The following CREB1 variants were observed in gnomAD, a reference collection of about 807,000 sequenced individuals.
The protein encoded by CREB1 is cyclic AMP-responsive element-binding protein 1.
CREB1 carries 2 observed loss-of-function variants against 42.0 expected under a neutral mutation model. The ratio of observed to expected loss-of-function variants is 0.05; its 90% CI spans 0.02 to 0.15. CREB1 has a LOEUF of 0.15. Among genes scored for constraint, CREB1 ranks in the 10% least tolerant of loss-of-function variants. The pLI is 1.00. For synonymous variants in CREB1, 123 were observed against 139.9 expected, an observed-to-expected ratio of 0.88 and a Z score of 0.85; for missense variants, 199 against 388.9, an observed-to-expected ratio of 0.51 and a Z score of 4.11.
chr2:207,556,833 G>T, intron 2 of CREB1, among the ~76,000 whole-genome samples: 1 of 152,132 alleles, frequency 6.6e-6, no homozygotes, highest in East Asian at 1.9e-4. Flanking sequence ...TTGCCCTTTA[G>T]AAAGAGGAAG....
At chr2:207,583,380 G>A (rs576776432) in intron 7 of CREB1, among the ~76,000 whole-genome samples, 5 of 152,216 alleles carry the variant, frequency 3.3e-5, no homozygotes, top group East Asian at 1.9e-4. Flanking sequence ...TTCTTTCTCC[G>A]ACAGAAACTT....
Position 207,598,469 on chromosome 2 carries a change from A to C in CREB1, c.*1411A>C, listed in dbSNP as rs1188143452. 6.0e-6 allele frequency: 1 copy of C among 166,420 alleles called. No homozygotes were observed. The highest frequency in any genetic ancestry group is 1.2e-5 in the Non-Finnish European group (1 of 82,544). The allele number at this position is 166,420 out of a possible 1,614,324, so 10.3% of individuals were successfully genotyped here. A position where few individuals can be genotyped will look rare whatever the true frequency, so the allele number is the denominator to read the frequency against. ...CTCATTTTATTCACTAAGCTCGATAAATCTAACAGTTACTCTTAAAAAAAA... is the reference window on the plus strand; with the variant it reads ...CTCATTTTATTCACTAAGCTCGATACATCTAACAGTTACTCTTAAAAAAAA... On this transcript the variant is annotated 3_prime_UTR_variant, in exon 8 of 8. Transcript: ENST00000353267.
intron 5 of CREB1, among the ~76,000 whole-genome samples, 162 bp from the exon 6 acceptor site, chr2:207,575,110 T>C (rs1056942283): frequency 1.3e-5 from 2 of 152,212 alleles, no homozygotes; most frequent in African/African-American, 4.8e-5. Context: ...GAATATGGGT[T>C]TCCTGAGGAG....
intron 1 of CREB1, among the ~76,000 whole-genome samples, chr2:207,548,612 G>A (rs191815991): frequency 6.6e-6 from 1 of 152,144 alleles, no homozygotes; most frequent in Admixed American, 6.5e-5. Context: ...TTAGCCAGGT[G>A]TGGTGGTGCA....
chr2:207,535,578 T>C (rs973998589), intron 1 of CREB1, among the ~76,000 whole-genome samples: 3 of 152,142 alleles, frequency 2.0e-5, no homozygotes, highest in Admixed American at 6.5e-5. Context: ...ATGTGAGTTT[T>C]ATATTTTGTA....
Position 207,604,053 on chromosome 2 carries a change from GAC to G in CREB1, c.*6997_*6998del, listed in dbSNP as rs1232574422. On this transcript the variant is annotated 3_prime_UTR_variant, in exon 8 of 8. Coordinates refer to ENST00000353267, the MANE Select transcript of CREB1 (RefSeq NM_004379.5). ...TTACAGAATTTATTGCACAAAATGAGACATTTTGAGAGTGATATTAATTACAT... is the reference window on the plus strand; with the variant it reads ...TTACAGAATTTATTGCACAAAATGAGATTTTGAGAGTGATATTAATTACAT... Among the ~76,000 whole-genome samples the G allele has an allele frequency of 6.6e-6, 1 of 152,140 alleles. No homozygotes were observed. The highest frequency in any genetic ancestry group is 1.5e-5 in the Non-Finnish European group (1 of 68,020).
At chr2:207,531,106 G>A (rs548757457) in intron 1 of CREB1, among the ~76,000 whole-genome samples, 1 of 152,126 alleles carries the variant, frequency 6.6e-6, no homozygotes, top group East Asian at 1.9e-4. Context: ...AACAGTTTCG[G>A]TTTTAACCCT....
chr2:207,576,741 AATTG>A (rs2082613157), intron 6 of CREB1: 1 of 1,116,836 alleles, frequency 9.0e-7, no homozygotes, highest in African/African-American at 1.7e-5. Context: ...CATACATTTT[AATTG>A]ATATTAATAA....
rs1342259299 is a variant in CREB1 at position 207,597,569 on chromosome 2, GACAT to G, written c.*514_*517del. 1.4e-5 allele frequency: 3 copies of G among 209,956 alleles called. No homozygotes were observed. The highest frequency in any genetic ancestry group is 6.8e-5 in the African/African-American group (3 of 44,012). 13.0% of individuals were successfully genotyped at this position (209,956 alleles called of 1,614,324 possible). A position where few individuals can be genotyped will look rare whatever the true frequency, so the allele number is the denominator to read the frequency against. Reference sequence around the variant, plus strand: ...TGTGAATTATGTAAAGTTGTTAAGAGACATACCCTCTAAAAAAGAACTTTAGCAT... The same window carrying G: ...TGTGAATTATGTAAAGTTGTTAAGAGACCCTCTAAAAAAGAACTTTAGCAT... On this transcript the variant is annotated 3_prime_UTR_variant, in exon 8 of 8. Coordinates refer to ENST00000353267, the MANE Select transcript of CREB1 (RefSeq NM_004379.5).
intron 7 of CREB1, chr2:207,581,449 TA>T (rs1451807908): frequency 5.0e-6 from 1 of 201,188 alleles, no homozygotes; most frequent in African/African-American, 2.3e-5. Context: ...TCAGGTTTTT[TA>T]AATTTATTAT....
Position 207,604,386 on chromosome 2 carries a change from T to A in CREB1, c.*7328T>A, listed in dbSNP as rs2106701448. ...TCCGCTGGTTTTTCCATCTCGTAAGTGGTGCCACTATCCATCTGTTAAATT... is the reference window on the plus strand; with the variant it reads ...TCCGCTGGTTTTTCCATCTCGTAAGAGGTGCCACTATCCATCTGTTAAATT... On this transcript the variant is annotated 3_prime_UTR_variant, in exon 8 of 8. Coordinates refer to ENST00000353267, the MANE Select transcript of CREB1 (RefSeq NM_004379.5). 6.6e-6 allele frequency among the ~76,000 whole-genome samples: 1 copy of A among 152,322 alleles called. No individual in the cohort carries two copies. The highest frequency in any genetic ancestry group is 3.4e-3 in the Middle Eastern group (1 of 294).
intron 7 of CREB1, among the ~76,000 whole-genome samples, chr2:207,590,571 T>G (rs1225098785): frequency 2.0e-5 from 3 of 152,156 alleles, no homozygotes; most frequent in African/African-American, 7.2e-5. Context: ...ACCTTTGTCT[T>G]ATTTCAGTTT....
intron 6 of CREB1, 32 bp from the exon 7 acceptor site, chr2:207,577,471 TTC>T (rs1435819796): frequency 1.2e-6 from 2 of 1,605,148 alleles, no homozygotes; most frequent in Non-Finnish European, 1.7e-6. Context: ...GTTGCAATGT[TTC>T]TGTCTTACAC....
chr2:207,562,968 A>T (rs1315934179), intron 3 of CREB1, among the ~76,000 whole-genome samples: 1 of 152,238 alleles, frequency 6.6e-6, no homozygotes, highest in Non-Finnish European at 1.5e-5. Context: ...TCTCAAGAAG[A>T]TCACATTTTA....
chr2:207,531,433 C>T (rs1386481301), intron 1 of CREB1, among the ~76,000 whole-genome samples: 1 of 152,184 alleles, frequency 6.6e-6, no homozygotes, highest in Non-Finnish European at 1.5e-5. Flanking sequence ...TGTATTTTTT[C>T]TTCGCCTGTT....
intron 7 of CREB1, among the ~76,000 whole-genome samples, chr2:207,584,743 C>A (rs1040000520): frequency 6.6e-6 from 1 of 152,114 alleles, no homozygotes; most frequent in Non-Finnish European, 1.5e-5. Flanking sequence ...TATATGTTTT[C>A]TTTGATGAAA....
chr2:207,537,529 T>C (rs2080923202), intron 1 of CREB1, among the ~76,000 whole-genome samples: 1 of 152,240 alleles, frequency 6.6e-6, no homozygotes, highest in Non-Finnish European at 1.5e-5. Context: ...AGCAAACTGA[T>C]AATGTGAACG....
intron 1 of CREB1, among the ~76,000 whole-genome samples, chr2:207,530,857 T>C (rs868441006): frequency 6.6e-6 from 1 of 151,530 alleles, no homozygotes; most frequent in African/African-American, 2.4e-5. Flanking sequence ...TTCGTGCCCT[T>C]TCCCCCCCGC....
intron 6 of CREB1, chr2:207,576,909 A>G (rs2082619716): frequency 1.1e-6 from 1 of 906,010 alleles, no homozygotes; most frequent in South Asian, 5.1e-5. Context: ...AGAAAAATAA[A>G]ACTTCAGTTT....
Sources: gnomAD v4.1 joint callset for allele counts (sites outside exome capture counted in the v4.1 genomes callset) on GRCh38, gnomAD v4.1.1 for gene constraint, MANE v1.5 for transcripts, NCBI Gene and HGNC (gene_info 2026-07-23, HGNC 2026-07-21) for gene names.